The following CDH9 variants were observed in gnomAD, a reference collection of about 807,000 sequenced individuals.
CDH9 encodes the protein cadherin-9.
A neutral mutation model predicts 70.9 loss-of-function variants in CDH9; 28 were observed. That is an observed-to-expected ratio of 0.40 (90% confidence interval 0.29 to 0.54). The LOEUF (loss-of-function observed/expected upper bound fraction) is 0.54. CDH9 is among the 20% of genes least tolerant of loss of function. The probability of loss-of-function intolerance (pLI) is 0.59; values close to 1 mark genes in which losing one functional copy is unlikely to be tolerated. For synonymous variants in CDH9, 409 were observed against 343.1 expected, an observed-to-expected ratio of 1.19 and a Z score of -2.12; for missense variants, 874 against 984.4, an observed-to-expected ratio of 0.89 and a Z score of 1.50.
chr5:26,929,130 C>A (rs1054103707), intron 2 of CDH9, among the ~76,000 whole-genome samples: 1 of 151,938 alleles, frequency 6.6e-6, no homozygotes, highest in African/African-American at 2.4e-5. Context: ...TGAGCTCAAA[C>A]AACTCTGTAA....
chr5:27,020,136 T>C (rs1002344811), intron 1 of CDH9, among the ~76,000 whole-genome samples: 2 of 151,818 alleles, frequency 1.3e-5, no homozygotes, highest in African/African-American at 4.8e-5. Flanking sequence ...AGTATTTAAA[T>C]ATGAAAACTT....
chr5:26,903,555 C>T, intron 6 of CDH9, 82 bp downstream of exon 6: 1 of 905,724 alleles, frequency 1.1e-6, no homozygotes, highest in Non-Finnish European at 1.9e-6. Context: ...GAAAATAAAT[C>T]CCAGGCTTTT....
Position 26,915,674 on chromosome 5 carries a change from G to C in CDH9, c.479C>G (p.Thr160Arg), listed in dbSNP as rs1211634321. 6.2e-7 allele frequency: 1 copy of C among 1,608,388 alleles called. No individual in the cohort carries two copies. Among genetic ancestry groups the C allele is most frequent in the Admixed American group, 1.7e-5 (1 of 59,978 alleles). ...AACACTGGCAGTGTATAAGTCTTTTGTAAATTTTGGCTCATTGTCATTGAT... is the reference window on the plus strand; with the variant it reads ...AACACTGGCAGTGTATAAGTCTTTTCTAAATTTTGGCTCATTGTCATTGAT... Reference protein sequence around the residue: ...HDINDNEPKFTKDLYTASVPE... With the variant: ...HDINDNEPKFRKDLYTASVPE... The change falls in exon 3 of 12, where the codon ACA becomes AGA. Residue 160 changes from threonine (T) to arginine (R), a missense_variant. Physicochemically the swap from Thr to Arg is moderately conservative, Grantham distance 71. Coordinates refer to ENST00000231021, the MANE Select transcript of CDH9 (RefSeq NM_016279.4).
At chr5:27,007,536 T>C (rs1239915929) in intron 1 of CDH9, among the ~76,000 whole-genome samples, 5 of 152,122 alleles carry the variant, frequency 3.3e-5, no homozygotes, top group African/African-American at 9.7e-5. Context: ...AAATCTCAAC[T>C]TTTCTCCTTC....
intron 7 of CDH9, among the ~76,000 whole-genome samples, chr5:26,901,839 T>C (rs1220144956): frequency 6.6e-6 from 1 of 151,880 alleles, no homozygotes; most frequent in Non-Finnish European, 1.5e-5. Context: ...TGGAAAGATA[T>C]GCTATACAAA....
chr5:26,966,975 C>T (rs1579482925), intron 2 of CDH9, among the ~76,000 whole-genome samples: 3 of 152,014 alleles, frequency 2.0e-5, no homozygotes, highest in Non-Finnish European at 2.9e-5. Flanking sequence ...CTCTGTTGCC[C>T]AGGCTGGAGT....
intron 11 of CDH9, among the ~76,000 whole-genome samples, chr5:26,884,132 T>C (rs1197647330): frequency 1.3e-5 from 2 of 152,046 alleles, no homozygotes; most frequent in African/African-American, 4.8e-5. Context: ...AATAAGAAAT[T>C]AGTGCTTTCC....
At chr5:26,998,848 C>T (rs1441425937) in intron 1 of CDH9, among the ~76,000 whole-genome samples, 1 of 151,960 alleles carries the variant, frequency 6.6e-6, no homozygotes, top group Non-Finnish European at 1.5e-5. Context: ...AGTGGACTTC[C>T]CTTAAGATTA....
In CDH9 at chr5:26,964,165, A is replaced by G. The variant is rs571446517; in HGVS notation, c.228+23941T>C. Among the ~76,000 whole-genome samples the G allele has an allele frequency of 2.0e-4, 30 of 152,146 alleles. 1 individual carries two copies. The South Asian group carries it at 6.0e-3, about 31-fold the overall frequency. ...TCTTATCTTCACAAAACTTACATTC[A>G]GTAGAAAGCAAGACTCTATGCTGAT... On this transcript the variant is annotated intron_variant, in intron 2 of 11. Transcript: ENST00000231021.
chr5:27,018,563 C>T (rs1743085104), intron 1 of CDH9, among the ~76,000 whole-genome samples: 1 of 151,808 alleles, frequency 6.6e-6, no homozygotes, highest in Admixed American at 6.6e-5. Flanking sequence ...AAGTGATGGT[C>T]CTACGCTTTT....
intron 1 of CDH9, among the ~76,000 whole-genome samples, chr5:27,036,420 T>C (rs1743393585): frequency 1.3e-5 from 2 of 151,960 alleles, no homozygotes; most frequent in Non-Finnish European, 2.9e-5. Flanking sequence ...TATTGTACTC[T>C]TCTTACACAC....
intron 9 of CDH9, 28 bp from the exon 10 acceptor site, chr5:26,886,111 A>G: frequency 1.3e-6 from 2 of 1,575,116 alleles, no homozygotes; most frequent in Non-Finnish European, 1.7e-6. Flanking sequence ...TAATTAATTA[A>G]TTAAGCCTAA....
chr5:26,997,670 G>A (rs1475822357), intron 1 of CDH9, among the ~76,000 whole-genome samples: 2 of 151,956 alleles, frequency 1.3e-5, no homozygotes, highest in South Asian at 2.1e-4. Flanking sequence ...TAGTGATGGA[G>A]CAAGTAGAAT....
At position 26,939,230 on chromosome 5, in the gene CDH9, A is replaced by G. The variant is rs188618734; in HGVS notation, c.229-23306T>C. ...TTAGCTGGAATCTGAAAAATGTCAAAAGTTAATGCAAAAAATATGAACAGG... is the reference window on the plus strand; with the variant it reads ...TTAGCTGGAATCTGAAAAATGTCAAGAGTTAATGCAAAAAATATGAACAGG... On this transcript the variant is annotated intron_variant, in intron 2 of 11. Transcript: ENST00000231021. Among the ~76,000 whole-genome samples, 9 of 151,836 alleles carry G rather than the reference A, an allele frequency of 5.9e-5. No individual in the cohort carries two copies. In the East Asian group the frequency reaches 1.7e-3, roughly 29 times the overall value.
At chr5:26,918,037 T>C (rs1741177860) in intron 2 of CDH9, among the ~76,000 whole-genome samples, 1 of 152,218 alleles carries the variant, frequency 6.6e-6, no homozygotes, top group Admixed American at 6.5e-5. Flanking sequence ...TTAATGTAAT[T>C]GCTTGAATTC....
intron 2 of CDH9, among the ~76,000 whole-genome samples, chr5:26,939,035 T>A (rs1385859702): frequency 6.6e-6 from 1 of 152,046 alleles, no homozygotes; most frequent in Non-Finnish European, 1.5e-5. Flanking sequence ...AGGATTTATA[T>A]CAATAAAATA....
chr5:27,009,435 A>G (rs769751843), intron 1 of CDH9, among the ~76,000 whole-genome samples: 2 of 152,160 alleles, frequency 1.3e-5, no homozygotes, highest in East Asian at 1.9e-4. Flanking sequence ...ATGGCAGCCA[A>G]TGGAATTTTG....
chr5:26,953,744 AC>A (rs1741893072), intron 2 of CDH9, among the ~76,000 whole-genome samples: 1 of 152,138 alleles, frequency 6.6e-6, no homozygotes, highest in South Asian at 2.1e-4. Flanking sequence ...TCTTCTTCTA[AC>A]ATTTAAGTGC....
chr5:27,027,379 T>C (rs977537400), intron 1 of CDH9, among the ~76,000 whole-genome samples: 7 of 152,056 alleles, frequency 4.6e-5, no homozygotes, highest in African/African-American at 1.7e-4. Flanking sequence ...TAGGCCACTG[T>C]CCTACTTTTG....
Sources: allele counts gnomAD v4.1 joint callset (sites outside exome capture counted in the v4.1 genomes callset), GRCh38; gene constraint gnomAD v4.1.1; transcripts MANE v1.5; gene names NCBI Gene and HGNC (gene_info 2026-07-23, HGNC 2026-07-21).